Variants in PTPN9 observed in about 807,000 individuals in gnomAD.
The protein encoded by PTPN9 is protein tyrosine phosphatase non-receptor type 9.
Under a neutral mutation model 69.8 loss-of-function variants are expected in PTPN9, and 26 were observed. That is an observed-to-expected ratio of 0.37 (90% CI 0.27 to 0.52). PTPN9 has a LOEUF of 0.52. Ranked by LOEUF, PTPN9 falls within the 20% of genes least tolerant of loss-of-function variation. PTPN9 has a pLI of 0.91. For synonymous variants in PTPN9, 274 were observed against 272.5 expected, an observed-to-expected ratio of 1.01 and a Z score of -0.05; for missense variants, 549 against 740.3, an observed-to-expected ratio of 0.74 and a Z score of 3.00.
At chr15:75,507,617 A>C (rs1018783347) in intron 6 of PTPN9, among the ~76,000 whole-genome samples, 2 of 150,958 alleles carry the variant, frequency 1.3e-5, no homozygotes, top group Admixed American at 1.3e-4. Context: ...AACACAAAAA[A>C]TTAGCCGGGC....
intron 4 of PTPN9, among the ~76,000 whole-genome samples, chr15:75,521,941 G>A (rs1595960207): frequency 6.6e-6 from 1 of 152,294 alleles, no homozygotes; most frequent in East Asian, 1.9e-4. Context: ...CCCGGGCTCA[G>A]ACAATCTGCC....
chr15:75,577,535 G>A (rs1203749997), intron 1 of PTPN9, among the ~76,000 whole-genome samples: 1 of 152,136 alleles, frequency 6.6e-6, no homozygotes, highest in African/African-American at 2.4e-5. Context: ...GGTGTCAAAA[G>A]ACAAAACCGT....
chr15:75,561,020 A>G (rs1221694140), intron 1 of PTPN9, among the ~76,000 whole-genome samples: 3 of 150,978 alleles, frequency 2.0e-5, no homozygotes, highest in African/African-American at 7.3e-5. Context: ...GTAAAAAAAA[A>G]AAATTACTTT....
chr15:75,569,652 C>T (rs983862860), intron 1 of PTPN9, among the ~76,000 whole-genome samples: 4 of 125,320 alleles, frequency 3.2e-5, no homozygotes, highest in Non-Finnish European at 6.3e-5. Context: ...TTGCAGTGAG[C>T]GGAGATAGTG....
Position 75,578,815 on chromosome 15 carries a change from CGA to C in PTPN9, c.-41_-40del. On this transcript the variant is annotated 5_prime_UTR_variant, in exon 1 of 13. Coordinates refer to ENST00000618819, the MANE Select transcript of PTPN9 (RefSeq NM_002833.4). ...CCGCCGGGCGGACAAAACTCGCTCG[CGA>C]GCGCGGGAGCCCGGCGCGCTCGGCC... The C allele has an allele frequency of 1.7e-6, 2 of 1,199,650 alleles. No homozygotes were observed. The highest frequency in any genetic ancestry group is 2.1e-6 in the Non-Finnish European group (2 of 965,540). 74.3% of individuals were successfully genotyped at this position (1,199,650 alleles called of 1,614,324 possible). A position where few individuals can be genotyped will look rare whatever the true frequency, so the allele number is the denominator to read the frequency against.
chr15:75,536,691 A>G (rs1453813267), intron 1 of PTPN9, among the ~76,000 whole-genome samples: 12 of 152,332 alleles, frequency 7.9e-5, no homozygotes, highest in African/African-American at 2.9e-4. Flanking sequence ...AGGCCCTTGT[A>G]TGCTGTACTT....
chr15:75,504,704 C>T (rs1595955694), intron 7 of PTPN9, among the ~76,000 whole-genome samples: 1 of 145,786 alleles, frequency 6.9e-6, no homozygotes, highest in Non-Finnish European at 1.5e-5. Flanking sequence ...GGTCAGCCCC[C>T]CGCCCGGGAG....
intron 2 of PTPN9, among the ~76,000 whole-genome samples, chr15:75,526,083 C>T (rs192817939): frequency 6.7e-6 from 1 of 150,222 alleles, no homozygotes; most frequent in Admixed American, 6.6e-5. Flanking sequence ...GCAACCTCCA[C>T]CTCCTTGGTT....
chr15:75,483,636 C>T (rs545881127), intron 8 of PTPN9, among the ~76,000 whole-genome samples: 2 of 152,252 alleles, frequency 1.3e-5, no homozygotes, highest in South Asian at 4.1e-4. Context: ...GATGGTGGCA[C>T]AACTCTGTGA....
intron 1 of PTPN9, among the ~76,000 whole-genome samples, chr15:75,556,036 C>CAAAA (rs75583219): frequency 1.6e-4 from 7 of 43,232 alleles, no homozygotes; most frequent in African/African-American, 4.4e-4. Context: ...ACCCCCGTCT[C>CAAAA]AAAAAAAAAA....
In PTPN9 at chr15:75,547,368, G is replaced by A. The variant is rs1033561102; in HGVS notation, c.64-20107C>T. ...AATCCCAGCACTTTGGGAGGCCAAG[G>A]CAGGTGGATCATGAGGTCAAGAGTT... On this transcript the variant is annotated intron_variant, in intron 1 of 12. Transcript: ENST00000618819. Among the ~76,000 whole-genome samples the A allele has an allele frequency of 1.3e-5, 2 of 150,686 alleles. 1 individual carries two copies. The highest frequency in any genetic ancestry group is 4.2e-4 in the South Asian group (2 of 4,794).
intron 8 of PTPN9, among the ~76,000 whole-genome samples, chr15:75,484,994 C>G (rs563209526): frequency 6.6e-6 from 1 of 152,276 alleles, no homozygotes; most frequent in Admixed American, 6.5e-5. Context: ...GTTTCTTTGA[C>G]TAAATAAATA....
chr15:75,569,817 C>T (rs1256092246), intron 1 of PTPN9, among the ~76,000 whole-genome samples: 2 of 151,836 alleles, frequency 1.3e-5, no homozygotes, highest in Non-Finnish European at 2.9e-5. Flanking sequence ...AGTCCAAGAC[C>T]CTTGTGCTCA....
At chr15:75,542,245 A>T (rs2075012361) in intron 1 of PTPN9, among the ~76,000 whole-genome samples, 2 of 152,244 alleles carry the variant, frequency 1.3e-5, no homozygotes, top group South Asian at 4.1e-4. Flanking sequence ...CACATGTTGC[A>T]AGATAGAAAG....
intron 9 of PTPN9, among the ~76,000 whole-genome samples, chr15:75,479,061 C>A (rs1410339852): frequency 6.6e-6 from 1 of 152,232 alleles, no homozygotes; most frequent in East Asian, 1.9e-4. Context: ...GTAATCCCAA[C>A]ACTTTGGGAG....
chr15:75,543,034 G>A (rs1197042877), intron 1 of PTPN9, among the ~76,000 whole-genome samples: 1 of 122,812 alleles, frequency 8.1e-6, no homozygotes, highest in East Asian at 2.4e-4. Context: ...GGTGTGTAAT[G>A]TTCCCCTTCC....
rs996041913 is a variant in PTPN9, at chr15:75,463,653, A to C, written c.*5116T>G. 6.6e-6 allele frequency: 1 copy of C among 152,216 alleles called. No homozygotes were observed. The highest frequency in any genetic ancestry group is 1.5e-5 in the Non-Finnish European group (1 of 68,048). 9.4% of individuals were successfully genotyped at this position (152,216 alleles called of 1,614,324 possible). On this transcript the variant is annotated 3_prime_UTR_variant, in exon 13 of 13. Coordinates refer to ENST00000618819, the MANE Select transcript of PTPN9 (RefSeq NM_002833.4). ...AGATTTAAACATTGTAACAGGTTTCAAGGTGCTAGATTTTTTTTCCCCCAA... is the reference window on the plus strand; with the variant it reads ...AGATTTAAACATTGTAACAGGTTTCCAGGTGCTAGATTTTTTTTCCCCCAA...
chr15:75,562,791 CAAAAAAAAAA>C (rs60164759), intron 1 of PTPN9, among the ~76,000 whole-genome samples: 112 of 80,062 alleles, frequency 1.4e-3, no homozygotes, highest in Admixed American at 5.3e-3. Flanking sequence ...AGACTCGTTT[CAAAAAAAAAA>C]AAAAAAAAAA....
intron 7 of PTPN9, among the ~76,000 whole-genome samples, chr15:75,502,669 ACT>A (rs1419882744): frequency 2.6e-5 from 4 of 151,928 alleles, no homozygotes; most frequent in Non-Finnish European, 2.9e-5. Context: ...AGGCAACTGT[ACT>A]CTCTGACTGT....
Sources: gnomAD v4.1 joint callset for allele counts (sites outside exome capture counted in the v4.1 genomes callset) on GRCh38, gnomAD v4.1.1 for gene constraint, MANE v1.5 for transcripts, NCBI Gene and HGNC (gene_info 2026-07-23, HGNC 2026-07-21) for gene names.